Variants in KLF12 observed in about 807,000 individuals in gnomAD.
KLF12 encodes the protein KLF transcription factor 12.
A neutral mutation model predicts 37.8 loss-of-function variants in KLF12; 9 were observed. The observed-to-expected ratio is 0.24, with a 90% confidence interval of 0.14 to 0.42. The LOEUF (loss-of-function observed/expected upper bound fraction) is 0.42, where lower values mean the gene tolerates loss of function less well. Ranked by LOEUF, KLF12 falls within the 10% of genes least tolerant of loss-of-function variation. The pLI is 1.00. For missense variants in KLF12, 411 were observed against 516.0 expected (o/e 0.80, Z 1.97); for synonymous variants, 208 against 202.1 (o/e 1.03, Z -0.25).
chr13:74,128,860 T>C lies in KLF12; in HGVS notation c.-32+4879A>G, dbSNP rs528941618. On this transcript the variant is annotated intron_variant, in intron 1 of 7. Coordinates refer to ENST00000377669, the MANE Select transcript of KLF12 (RefSeq NM_007249.5). ...TTTATACACACGTGTGGCTTTTTAC[T>C]GTATTTCTCGGTCATGAAATTTTAC... Among the ~76,000 whole-genome samples, 689 of 152,302 alleles carry C rather than the reference T, an allele frequency of 4.5e-3. 3 individuals carry two copies. The highest frequency in any genetic ancestry group is 0.016 in the African/African-American group (653 of 41,560).
At chr13:74,013,416 T>C (rs758030486) in intron 1 of KLF12, among the ~76,000 whole-genome samples, 1 of 152,250 alleles carries the variant, frequency 6.6e-6, no homozygotes, top group Non-Finnish European at 1.5e-5. Context: ...GAACCACTGC[T>C]ACTCCACTCC....
intron 6 of KLF12, among the ~76,000 whole-genome samples, chr13:73,716,815 T>G (rs1358777407): frequency 2.3e-4 from 35 of 152,238 alleles, no homozygotes; most frequent in African/African-American, 2.4e-5. Context: ...ATTCATTTAT[T>G]TGAAGTGCTA....
At chr13:73,864,684 A>G (rs1364070248) in intron 3 of KLF12, among the ~76,000 whole-genome samples, 17 of 152,260 alleles carry the variant, frequency 1.1e-4, no homozygotes, top group Non-Finnish European at 2.5e-4. Flanking sequence ...CTGCCTGGGT[A>G]AAATGTGCTG....
the KLF12 span, among the ~76,000 whole-genome samples, chr13:74,160,001 CAAAAAAAAAAAAA>C: frequency 1.0e-5 from 1 of 95,760 alleles, no homozygotes; most frequent in Non-Finnish European, 2.1e-5. Flanking sequence ...GACCTTGTCT[CAAAAAAAAAAAAA>C]AAAAAAAAAA....
rs373586601 is a variant in KLF12, at chr13:73,976,670, AAAT to A, written c.33+18317_33+18319del. On this transcript the variant is annotated intron_variant, in intron 2 of 7. Coordinates refer to ENST00000377669, the MANE Select transcript of KLF12 (RefSeq NM_007249.5). ...TAACGACTACATTTAGAGTGAAGTG[AAAT>A]AATATCCTCATCACGCTGAAAGAAA... Among the ~76,000 whole-genome samples the A allele has an allele frequency of 2.1e-4, 32 of 152,330 alleles. No individual in the cohort carries two copies. The East Asian group carries it at 5.6e-3, about 27-fold the overall frequency.
chr13:73,945,861 G>A (rs1021744678), intron 2 of KLF12, among the ~76,000 whole-genome samples: 5 of 152,118 alleles, frequency 3.3e-5, no homozygotes, highest in Non-Finnish European at 7.4e-5. Flanking sequence ...AGATAATTTA[G>A]AGCAGAAGGA....
intron 1 of KLF12, among the ~76,000 whole-genome samples, chr13:74,117,818 A>C (rs1877395974): frequency 6.6e-6 from 1 of 152,200 alleles, no homozygotes. Context: ...CGTCCTATAA[A>C]ATACCTGACC....
At chr13:73,757,933 C>A (rs1242281298) in intron 6 of KLF12, among the ~76,000 whole-genome samples, 8 of 152,096 alleles carry the variant, frequency 5.3e-5, no homozygotes. Context: ...ATGGTTGGTA[C>A]TGGTTCTATC....
chr13:74,012,860 T>C (rs1471244769), intron 1 of KLF12, among the ~76,000 whole-genome samples: 3 of 152,222 alleles, frequency 2.0e-5, no homozygotes, highest in South Asian at 2.1e-4. Flanking sequence ...CATGGAGTTA[T>C]ACATAAAGAC....
chr13:73,789,314 GGCATTAATT>G (rs1411147255), intron 5 of KLF12, among the ~76,000 whole-genome samples: 1 of 152,146 alleles, frequency 6.6e-6, no homozygotes, highest in Non-Finnish European at 1.5e-5. Flanking sequence ...CAGGAACAGA[GGCATTAATT>G]GCTACATCTT....
intron 1 of KLF12, among the ~76,000 whole-genome samples, chr13:74,033,882 G>A (rs1893176623): frequency 6.6e-6 from 1 of 151,324 alleles, no homozygotes; most frequent in Admixed American, 6.6e-5. Flanking sequence ...CGTTTCATCA[G>A]TGCATATATA....
chr13:74,108,293 T>C (rs1051043109), intron 1 of KLF12, among the ~76,000 whole-genome samples: 2 of 152,064 alleles, frequency 1.3e-5, no homozygotes, highest in Non-Finnish European at 2.9e-5. Flanking sequence ...TTCAATACTA[T>C]TAGCAATTCA....
intron 3 of KLF12, among the ~76,000 whole-genome samples, chr13:73,937,295 C>G (rs149268743): frequency 2.2e-4 from 34 of 152,096 alleles, no homozygotes; most frequent in African/African-American, 7.7e-4. Context: ...AGAGAAAACA[C>G]GCTTGATGGT....
chr13:73,723,219 A>G (rs1876403757), intron 6 of KLF12, among the ~76,000 whole-genome samples: 1 of 152,204 alleles, frequency 6.6e-6, no homozygotes, highest in Non-Finnish European at 1.5e-5. Flanking sequence ...AAAAATGCCT[A>G]TTTCAGATAT....
chr13:74,004,269 A>T (rs889180844), intron 1 of KLF12, among the ~76,000 whole-genome samples: 2 of 152,192 alleles, frequency 1.3e-5, no homozygotes, highest in African/African-American at 4.8e-5. Flanking sequence ...TGGTGACAGC[A>T]GTCCTGGCAT....
At chr13:73,704,828 A>G (rs7333671) in intron 7 of KLF12, among the ~76,000 whole-genome samples, 17,762 of 152,136 alleles carry the variant, frequency 0.12, 1,312 homozygotes, top group South Asian at 0.23. Flanking sequence ...CTGTATCCCC[A>G]GGGCCTAACA....
At chr13:74,179,855 TC>T in the KLF12 span, among the ~76,000 whole-genome samples, 1 of 151,904 alleles carries the variant, frequency 6.6e-6, no homozygotes, top group Non-Finnish European at 1.5e-5. Flanking sequence ...TTCCAAAGAG[TC>T]CCCCAATCGA....
intron 1 of KLF12, among the ~76,000 whole-genome samples, chr13:74,102,846 A>C (rs747034414): frequency 6.6e-6 from 1 of 152,238 alleles, no homozygotes; most frequent in Non-Finnish European, 1.5e-5. Context: ...GTCACCACTG[A>C]CTGTGATATA....
chr13:73,846,453 T>G, intron 3 of KLF12, 80 bp from the exon 4 acceptor site: 3 of 1,261,350 alleles, frequency 2.4e-6, no homozygotes, highest in Non-Finnish European at 3.3e-6. Flanking sequence ...ACTTGAACGT[T>G]TATTACTTTT....
Sources: gnomAD v4.1 joint callset for allele counts (sites outside exome capture counted in the v4.1 genomes callset) on GRCh38, gnomAD v4.1.1 for gene constraint, MANE v1.5 for transcripts, NCBI Gene and HGNC (gene_info 2026-07-23, HGNC 2026-07-21) for gene names.